Variants in KSR1 observed in about 807,000 individuals in gnomAD.
KSR1 encodes kinase suppressor of ras 1, also known as kinase suppressor of ras.
In KSR1, 35 loss-of-function variants were observed where a neutral mutation model predicts 92.9. That is an observed-to-expected ratio of 0.38 (90% CI 0.29 to 0.50). KSR1 has a LOEUF of 0.50. KSR1 is among the 20% of genes least tolerant of loss of function. The probability of loss-of-function intolerance (pLI) is 0.94; values close to 1 mark genes in which losing one functional copy is unlikely to be tolerated. For missense variants in KSR1, 972 were observed against 1,158.5 expected, an observed-to-expected ratio of 0.84 and a Z score of 2.34; for synonymous variants, 467 against 472.6, an observed-to-expected ratio of 0.99 and a Z score of 0.15.
At chr17:27,564,524 G>C (rs1268921608) in intron 2 of KSR1, among the ~76,000 whole-genome samples, 1 of 152,204 alleles carries the variant, frequency 6.6e-6, no homozygotes, top group African/African-American at 2.4e-5. Flanking sequence ...ATGCCATTAG[G>C]ATGTGCCTGT....
At chr17:27,615,530 A>G (rs2074033477) in intron 18 of KSR1, among the ~76,000 whole-genome samples, 1 of 152,134 alleles carries the variant, frequency 6.6e-6, no homozygotes. Context: ...TTGCTGAGAG[A>G]AGAAACAAAC....
chr17:27,543,555 G>A (rs561164722), intron 1 of KSR1, among the ~76,000 whole-genome samples: 73 of 152,264 alleles, frequency 4.8e-4, no homozygotes, highest in Non-Finnish European at 8.4e-4. Context: ...AACCAGGCCC[G>A]TGCTCTCCAG....
intron 4 of KSR1, 44 bp from the exon 5 acceptor site, chr17:27,585,613 A>G: frequency 1.3e-6 from 1 of 748,320 alleles, no homozygotes; most frequent in South Asian, 1.4e-5. Flanking sequence ...ACGCCGAGCC[A>G]GCGTGGTGAC....
rs375752614 is a variant in KSR1 at position 27,610,151 on chromosome 17, C to T, written c.2310C>T (p.Asp770=). 9 of 1,613,884 alleles carry T rather than the reference C, an allele frequency of 5.6e-6. No homozygotes were observed. The highest frequency in any genetic ancestry group is 2.2e-5 in the East Asian group (1 of 44,900). ...TACGCGAGATGACCCCCGGGAAGGA[C>T]GAGGATCAGCTGCCATTCTCCAAAG... ...EIVREMTPGK[D]EDQLPFSKAA... Residue 770 remains aspartate (D), a synonymous_variant, in exon 17 of 21, where the codon GAC becomes GAT. Transcript: ENST00000644974.
chr17:27,540,666 C>T (rs1194311559), intron 1 of KSR1, among the ~76,000 whole-genome samples: 1 of 152,240 alleles, frequency 6.6e-6, no homozygotes, highest in Non-Finnish European at 1.5e-5. Context: ...CTCCTTGCCC[C>T]ACTTTCCCTG....
At chr17:27,460,707 G>A (rs2019394231) in intron 1 of KSR1, among the ~76,000 whole-genome samples, 1 of 152,178 alleles carries the variant, frequency 6.6e-6, no homozygotes, top group Admixed American at 6.5e-5. Context: ...AGAGGTCAGA[G>A]TCCCACCGTG....
chr17:27,614,033 C>T (rs1007364886), intron 18 of KSR1, among the ~76,000 whole-genome samples: 2 of 152,198 alleles, frequency 1.3e-5, no homozygotes, highest in Admixed American at 1.3e-4. Context: ...AACTCCTGGC[C>T]TCAAGGGATC....
At position 27,583,688 on chromosome 17, in the gene KSR1, T is replaced by TAC. The variant is rs1412258022; in HGVS notation, c.980+584_980+585dup. Among the ~76,000 whole-genome samples, 3 of 152,278 alleles carry TAC rather than the reference T, an allele frequency of 2.0e-5. No individual in the cohort carries two copies. The East Asian group carries it at 5.8e-4, about 29-fold the overall frequency. Reference sequence around the variant, plus strand: ...AGTGACTGTCAGATACCATACCATCTACTCTGTCCCATGACTTGTTTTTTC... The same window carrying TAC: ...AGTGACTGTCAGATACCATACCATCTACACTCTGTCCCATGACTTGTTTTTTC... On this transcript the variant is annotated intron_variant, in intron 4 of 20. Transcript: ENST00000644974.
chr17:27,611,352 C>T (rs2073910992), intron 17 of KSR1, 142 bp from the exon 18 acceptor site: 3 of 1,052,328 alleles, frequency 2.9e-6, no homozygotes, highest in Non-Finnish European at 1.4e-6. Context: ...CAGGAGCCCA[C>T]TGTAGCATCC....
intron 1 of KSR1, among the ~76,000 whole-genome samples, chr17:27,478,126 C>T (rs1486626109): frequency 6.6e-6 from 1 of 152,202 alleles, no homozygotes; most frequent in East Asian, 1.9e-4. Flanking sequence ...AATTCCAGGG[C>T]TTAGCCCAGT....
intron 1 of KSR1, among the ~76,000 whole-genome samples, chr17:27,549,300 C>CTCCCTGGG (rs2071305600): frequency 2.0e-5 from 3 of 152,342 alleles, no homozygotes; most frequent in South Asian, 2.1e-4. Flanking sequence ...TTCAGGAGCT[C>CTCCCTGGG]TCCCTGGGTC....
intron 15 of KSR1, among the ~76,000 whole-genome samples, chr17:27,608,893 G>T: frequency 6.6e-6 from 1 of 152,140 alleles, no homozygotes; most frequent in East Asian, 1.9e-4. Context: ...CCGGCTCCCT[G>T]CCCATCACCC....
At chr17:27,610,928 G>T (rs1404525066) in intron 17 of KSR1, among the ~76,000 whole-genome samples, 1 of 152,152 alleles carries the variant, frequency 6.6e-6, no homozygotes, top group Non-Finnish European at 1.5e-5. Flanking sequence ...ATTGGACAGT[G>T]TGGGTCTGAT....
At chr17:27,488,216 C>G (rs2068724552) in intron 1 of KSR1, among the ~76,000 whole-genome samples, 1 of 152,214 alleles carries the variant, frequency 6.6e-6, no homozygotes, top group Non-Finnish European at 1.5e-5. Flanking sequence ...ATAAACTGAA[C>G]ACCCATGTAC....
chr17:27,565,845 A>G (rs2072039863), intron 2 of KSR1, among the ~76,000 whole-genome samples: 1 of 152,268 alleles, frequency 6.6e-6, no homozygotes, highest in Non-Finnish European at 1.5e-5. Flanking sequence ...CCTGCCAGCC[A>G]CTGATAGCCA....
chr17:27,495,968 C>T (rs577725543), intron 1 of KSR1, among the ~76,000 whole-genome samples: 5 of 152,274 alleles, frequency 3.3e-5, no homozygotes, highest in Non-Finnish European at 4.4e-5. Context: ...GCATAAGCCT[C>T]CTTTAGGGTT....
chr17:27,593,887 A>T (rs1418324536), intron 9 of KSR1, among the ~76,000 whole-genome samples: 8 of 152,274 alleles, frequency 5.3e-5, no homozygotes, highest in African/African-American at 1.9e-4. Context: ...CACAGATGTC[A>T]CTCGTGCCGC....
intron 1 of KSR1, among the ~76,000 whole-genome samples, chr17:27,549,571 A>G (rs566746803): frequency 2.0e-4 from 31 of 152,318 alleles, no homozygotes; most frequent in African/African-American, 7.2e-4. Flanking sequence ...TTGAAGTTTT[A>G]GCCATTTGCG....
rs558110915 is a variant in KSR1 at position 27,553,867 on chromosome 17, T to A, written c.372+3159T>A. Among the ~76,000 whole-genome samples, 8 of 152,308 alleles carry A rather than the reference T, an allele frequency of 5.3e-5. No homozygotes were observed. The South Asian group carries it at 8.3e-4, about 16-fold the overall frequency. On this transcript the variant is annotated intron_variant, in intron 2 of 20. Transcript: ENST00000644974. ...ACCTCTGAGAGTTTCTCCTTGTACA[T>A]GTGTGGAAGCCTAGTGATGGGGGAA...
Sources: allele counts gnomAD v4.1 joint callset (sites outside exome capture counted in the v4.1 genomes callset), GRCh38; gene constraint gnomAD v4.1.1; transcripts MANE v1.5; gene names NCBI Gene and HGNC (gene_info 2026-07-23, HGNC 2026-07-21).